ACTL8: variants seen among roughly 807,000 people sequenced by gnomAD.
ACTL8 encodes the protein actin like 8, also known as actin-like protein 8.
A neutral mutation model predicts 9.3 loss-of-function variants in ACTL8; 3 were observed. The observed-to-expected ratio is 0.32, with a 90% CI of 0.15 to 0.83. The LOEUF is 0.83. Among genes scored for constraint, ACTL8 ranks in the 40% least tolerant of loss-of-function variants. The probability of loss-of-function intolerance (pLI) is 0.57; values close to 1 mark genes in which losing one functional copy is unlikely to be tolerated. For missense variants in ACTL8, 381 were observed against 492.2 expected, an observed-to-expected ratio of 0.77 and a Z score of 2.14; for synonymous variants, 224 against 205.9, an observed-to-expected ratio of 1.09 and a Z score of -0.75.
intron 1 of ACTL8, among the ~76,000 whole-genome samples, chr1:17,777,824 G>C (rs570168476): frequency 6.6e-6 from 1 of 152,038 alleles, no homozygotes; most frequent in African/African-American, 2.4e-5. Context: ...TCAGCCTCCC[G>C]AGTAGCTGAA....
rs573001142 is a variant in ACTL8 at position 17,804,854 on chromosome 1, G to A, written c.-24-18131G>A. ...TGGTCTCGAACCCCTGACTTCAGAT[G>A]ATCACCCACCTTGGGCTCCCAAAGT... On this transcript the variant is annotated intron_variant, in intron 1 of 2. Transcript: ENST00000375406. 1.3e-4 allele frequency among the ~76,000 whole-genome samples: 20 copies of A among 152,080 alleles called. 1 individual carries two copies. Among genetic ancestry groups the A allele is most frequent in the Middle Eastern group, 6.8e-3 (2 of 294 alleles).
At chr1:17,787,102 C>T (rs2066203500) in intron 1 of ACTL8, among the ~76,000 whole-genome samples, 2 of 152,168 alleles carry the variant, frequency 1.3e-5, no homozygotes, top group Non-Finnish European at 1.5e-5. Context: ...GTGACATCCC[C>T]CCTCACTCCC....
chr1:17,761,664 G>C (rs993869782), intron 1 of ACTL8, among the ~76,000 whole-genome samples: 13 of 151,886 alleles, frequency 8.6e-5, no homozygotes, highest in African/African-American at 3.1e-4. Context: ...TCTGCCTCTT[G>C]GGTTCAAGTG....
chr1:17,770,897 GT>G (rs2066078225), intron 1 of ACTL8, among the ~76,000 whole-genome samples: 2 of 152,180 alleles, frequency 1.3e-5, no homozygotes, highest in Admixed American at 6.5e-5. Context: ...AGACATTGGA[GT>G]CAAATGCCTG....
chr1:17,764,574 G>GCC (rs35668430), intron 1 of ACTL8, among the ~76,000 whole-genome samples: 1,816 of 151,674 alleles, frequency 0.012, 23 homozygotes, highest in Non-Finnish European at 0.016. Flanking sequence ...AAGCTTCTGG[G>GCC]CACCCCCCCA....
rs528128841 is a variant in ACTL8 at position 17,780,187 on chromosome 1, G to A, written c.-25+24683G>A. On this transcript the variant is annotated intron_variant, in intron 1 of 2. Coordinates refer to ENST00000375406, the MANE Select transcript of ACTL8 (RefSeq NM_030812.3). ...TGCGCCACTGCACTCCAGCCTGGGC[G>A]ACAGAGTTGAGACCCTGTCTTGAAA... 1.6e-4 allele frequency among the ~76,000 whole-genome samples: 25 copies of A among 152,226 alleles called. No individual in the cohort carries two copies. The South Asian group carries it at 4.8e-3, about 29-fold the overall frequency.
intron 1 of ACTL8, among the ~76,000 whole-genome samples, chr1:17,778,756 T>G (rs1442064939): frequency 6.6e-6 from 1 of 152,128 alleles, no homozygotes; most frequent in Non-Finnish European, 1.5e-5. Context: ...ATGGGCTGTC[T>G]TGGGCACAAT....
chr1:17,762,453 C>T (rs74060065), intron 1 of ACTL8, among the ~76,000 whole-genome samples: 3 of 152,178 alleles, frequency 2.0e-5, no homozygotes, highest in Admixed American at 6.5e-5. Flanking sequence ...GCTTTCAGAC[C>T]GAGAGTCAGC....
chr1:17,809,417 TAGG>T (rs914069137), intron 1 of ACTL8, among the ~76,000 whole-genome samples: 17 of 151,942 alleles, frequency 1.1e-4, no homozygotes, highest in Admixed American at 1.1e-3. Context: ...AAGGCAAACA[TAGG>T]GGCTGAGGAA....
chr1:17,815,158 A>G (rs1370830473), intron 1 of ACTL8, among the ~76,000 whole-genome samples: 1 of 152,254 alleles, frequency 6.6e-6, no homozygotes, highest in Non-Finnish European at 1.5e-5. Flanking sequence ...CAACCTAGGT[A>G]AGTAGTAGGC....
At chr1:17,814,466 T>G (rs61628835) in intron 1 of ACTL8, among the ~76,000 whole-genome samples, 70 of 152,116 alleles carry the variant, frequency 4.6e-4, no homozygotes, top group Middle Eastern at 3.4e-3. Flanking sequence ...TACCATTATG[T>G]TAGTCACCTA....
intron 1 of ACTL8, among the ~76,000 whole-genome samples, chr1:17,812,165 G>A (rs1023024674): frequency 6.6e-6 from 1 of 151,976 alleles, no homozygotes; most frequent in East Asian, 1.9e-4. Context: ...GCTCTATCTT[G>A]ATTATTATAA....
At chr1:17,815,857 T>C (rs2066423232) in intron 1 of ACTL8, among the ~76,000 whole-genome samples, 1 of 152,198 alleles carries the variant, frequency 6.6e-6, no homozygotes, top group Non-Finnish European at 1.5e-5. Context: ...AATTTTTTTC[T>C]CTCTGTGTTT....
In ACTL8 at chr1:17,802,421, G is replaced by A. The variant is rs1006677198; in HGVS notation, c.-24-20564G>A. Among the ~76,000 whole-genome samples, 27 of 136,984 alleles carry A rather than the reference G, an allele frequency of 2.0e-4. No homozygotes were observed. The South Asian group carries it at 4.0e-3, about 20-fold the overall frequency. 89.9% of individuals were successfully genotyped at this position (136,984 alleles called of 152,430 possible). ...AACAGCAGATCCCGGATGACTGTGC[G>A]TGCGTGTGTGTGTGTGTGTGTGTGT... On this transcript the variant is annotated intron_variant, in intron 1 of 2. Transcript: ENST00000375406.
At chr1:17,764,244 C>T (rs1156728402) in intron 1 of ACTL8, among the ~76,000 whole-genome samples, 1 of 152,136 alleles carries the variant, frequency 6.6e-6, no homozygotes, top group Non-Finnish European at 1.5e-5. Flanking sequence ...GCTCTGTATC[C>T]TGCAGTGCAC....
intron 1 of ACTL8, among the ~76,000 whole-genome samples, chr1:17,816,200 C>T (rs2066425077): frequency 1.4e-5 from 2 of 139,616 alleles, no homozygotes; most frequent in African/African-American, 5.4e-5. Flanking sequence ...ATATTAATAG[C>T]TTTTTTTTTT....
At chr1:17,819,873 A>G (rs2053635241) in intron 1 of ACTL8, among the ~76,000 whole-genome samples, 1 of 151,648 alleles carries the variant, frequency 6.6e-6, no homozygotes. Context: ...CTGGGTGTGC[A>G]TGGCTTGCAC....
chr1:17,823,249 C>T lies in ACTL8; in HGVS notation c.241C>T (p.Leu81Phe), dbSNP rs2053680376. The part of the protein sequence containing the change: ...RILNWEGVQY[L>F]WSFVLENHRR... ...CCTCAACTGGGAGGGTGTGCAGTAC[C>T]TCTGGTCATTTGTGTTGGAGAACCA... The change falls in exon 2 of 3, where the codon CTC becomes TTC. Residue 81 changes from leucine to phenylalanine, a missense_variant. Coordinates refer to ENST00000375406, the MANE Select transcript of ACTL8 (RefSeq NM_030812.3). This position sits in a 1 kb window ranked among gnomAD's most constrained non-coding sequence, Gnocchi z 5.3. 1 of 1,614,030 alleles carries T rather than the reference C, an allele frequency of 6.2e-7. No individual in the cohort carries two copies. The highest frequency in any genetic ancestry group is 1.3e-5 in the African/African-American group (1 of 74,910).
rs895919116 is a variant in ACTL8 at position 17,825,681 on chromosome 1, C to T, written c.349-86C>T. 3.6e-5 allele frequency: 55 copies of T among 1,511,214 alleles called. No individual in the cohort carries two copies. The Middle Eastern group carries it at 6.8e-4, about 19-fold the overall frequency. 93.6% of individuals were successfully genotyped at this position (1,511,214 alleles called of 1,614,324 possible). A position where few individuals can be genotyped will look rare whatever the true frequency, so the allele number is the denominator to read the frequency against. On this transcript the variant is annotated intron_variant, in intron 2 of 2. Transcript: ENST00000375406. ...TCCTGGGGCAGCCCGAGAGTCCCCC[C>T]GAGGATGGGGCTCTGTGCTGACTTC...
Sources: gnomAD v4.1 joint callset for allele counts (sites outside exome capture counted in the v4.1 genomes callset) on GRCh38, gnomAD v4.1.1 for gene constraint, Gnocchi (gnomAD v3.1) non-coding constraint, MANE v1.5 for transcripts, NCBI Gene and HGNC (gene_info 2026-07-23, HGNC 2026-07-21) for gene names.